Variants in ADORA3 observed in about 807,000 individuals in gnomAD.
ADORA3 encodes the protein adenosine A3 receptor.
A neutral mutation model predicts 5.7 loss-of-function variants in ADORA3; 3 were observed. The ratio of observed to expected loss-of-function variants is 0.52; its 90% CI spans 0.24 to 1.35. ADORA3 has a LOEUF of 1.35. Ranked by LOEUF, ADORA3 falls within the 40% of genes most tolerant of loss-of-function variation. The probability of loss-of-function intolerance (pLI) is 0.17; values close to 1 mark genes in which losing one functional copy is unlikely to be tolerated. For synonymous variants in ADORA3, 168 were observed against 152.3 expected (o/e 1.10, Z -0.76); for missense variants, 343 against 389.0 (o/e 0.88, Z 0.99).
At position 111,499,612 on chromosome 1, in the gene ADORA3, C is replaced by T. The variant is rs779485854; in HGVS notation, c.*338G>A. On this transcript the variant is annotated 3_prime_UTR_variant, in exon 2 of 2. Coordinates refer to ENST00000241356, the MANE Select transcript of ADORA3 (RefSeq NM_000677.4). ...ACCACCACACACATGTTCAGCCCAA[C>T]TGGAGCCTTTTGTCAGTAAGTCAAC... The T allele has an allele frequency of 1.3e-5, 14 of 1,100,634 alleles. No homozygotes were observed. The highest frequency in any genetic ancestry group is 4.9e-5 in the African/African-American group (3 of 61,626). 68.2% of individuals were successfully genotyped at this position (1,100,634 alleles called of 1,614,324 possible).
In ADORA3 at chr1:111,499,892, A is replaced by C; in HGVS notation, c.*58T>G. ...CTTGGCCCAGGCATACAGGCCCTCA[A>C]GTGTTTGTTGATGGGGAATCTGAAG... On this transcript the variant is annotated 3_prime_UTR_variant, in exon 2 of 2. Transcript: ENST00000241356. 1 of 1,585,814 alleles carries C rather than the reference A, an allele frequency of 6.3e-7. No individual in the cohort carries two copies. The highest frequency in any genetic ancestry group is 1.2e-5 in the South Asian group (1 of 85,692).
rs778275977 is a variant in ADORA3 at position 111,503,104 on chromosome 1, A to T, written c.251T>A (p.Leu84His). 3.1e-6 allele frequency: 5 copies of T among 1,614,082 alleles called. No homozygotes were observed. In the African/African-American group the frequency reaches 5.3e-5, roughly 17 times the overall value. ...GATAAGCAGTAGGCAAGTCATAAAA[A>T]GGCAGCTGTAGAAGTGGATTGTGAT... ...LGITIHFYSC[L>H]FMTCLLLIFT... Residue 84 changes from leucine (L) to histidine (H), a missense_variant, in exon 1 of 2, where the codon CTT becomes CAT. Physicochemically the swap from Leu to His is moderately conservative, Grantham distance 99. Transcript: ENST00000241356.
intron 1 of ADORA3, among the ~76,000 whole-genome samples, chr1:111,502,192 TATTATAATAAATATATAG>T: frequency 4.5e-5 from 1 of 22,112 alleles, no homozygotes; most frequent in Non-Finnish European, 1.0e-4. Context: ...AGGATATATA[TATTATAATAAATATATAG>T]GATATATATT....
intron 1 of ADORA3, among the ~76,000 whole-genome samples, chr1:111,502,226 TAATG>T (rs1300222578): frequency 3.1e-5 from 1 of 32,220 alleles, no homozygotes; most frequent in Admixed American, 4.9e-4. Flanking sequence ...ATATTTATTA[TAATG>T]AATATATAGG....
chr1:111,501,533 G>T (rs1418537699), intron 1 of ADORA3, among the ~76,000 whole-genome samples: 1 of 152,144 alleles, frequency 6.6e-6, no homozygotes, highest in South Asian at 2.1e-4. Context: ...TGTGTGACAG[G>T]TATGTTTCTA....
intron 1 of ADORA3, 79 bp downstream of exon 1, chr1:111,502,926 T>C: frequency 6.5e-7 from 1 of 1,530,518 alleles, no homozygotes; most frequent in South Asian, 1.2e-5. Context: ...ACATTTTTAC[T>C]CAAAAAGTCT....
rs1655363969 is a variant in ADORA3, at chr1:111,503,531, T to G, written c.-177A>C. 2 of 1,423,212 alleles carry G rather than the reference T, an allele frequency of 1.4e-6. No homozygotes were observed. The highest frequency in any genetic ancestry group is 3.0e-5 in the South Asian group (2 of 66,460). 88.2% of individuals were successfully genotyped at this position (1,423,212 alleles called of 1,614,324 possible). ...TGGTGGGGTGATCTCTTGGAAACCC[T>G]TCTCCTTAGAAAGGGCTCATCACAG... On this transcript the variant is annotated 5_prime_UTR_variant, in exon 1 of 2. Coordinates refer to ENST00000241356, the MANE Select transcript of ADORA3 (RefSeq NM_000677.4).
chr1:111,500,972 C>T lies in ADORA3; in HGVS notation c.351-416G>A, dbSNP rs186780055. 5.6e-4 allele frequency: 129 copies of T among 229,540 alleles called. 3 individuals are homozygous for T. The East Asian group carries it at 9.3e-3, about 17-fold the overall frequency. 14.2% of individuals were successfully genotyped at this position (229,540 alleles called of 1,614,324 possible). A position where few individuals can be genotyped will look rare whatever the true frequency, so the allele number is the denominator to read the frequency against. Reference sequence around the variant, plus strand: ...CACAGGTGAATTCAGCAGTTTAAGTCCCCCTTGAACTCAGTTTACTCCTTC... The same window carrying T: ...CACAGGTGAATTCAGCAGTTTAAGTTCCCCTTGAACTCAGTTTACTCCTTC... On this transcript the variant is annotated intron_variant, in intron 1 of 1. Coordinates refer to ENST00000241356, the MANE Select transcript of ADORA3 (RefSeq NM_000677.4).
In ADORA3 at chr1:111,503,424, C is replaced by G; in HGVS notation, c.-70G>C. ...AGATCCGTCTGTAGGGCCAGTGGGC[C>G]TAGCTCTCGCCAGACGTCTTCCCAG... On this transcript the variant is annotated 5_prime_UTR_variant, in exon 1 of 2. An upstream open reading frame in the 5' UTR loses its in-frame stop. Coordinates refer to ENST00000241356, the MANE Select transcript of ADORA3 (RefSeq NM_000677.4). 1 of 1,518,030 alleles carries G rather than the reference C, an allele frequency of 6.6e-7. No homozygotes were observed. Among genetic ancestry groups the G allele is most frequent in the Non-Finnish European group, 8.9e-7 (1 of 1,127,568 alleles). 94.0% of individuals were successfully genotyped at this position (1,518,030 alleles called of 1,614,324 possible).
In ADORA3 at chr1:111,503,486, T is replaced by C; in HGVS notation, c.-132A>G. 1 of 1,453,840 alleles carries C rather than the reference T, an allele frequency of 6.9e-7. No individual in the cohort carries two copies. Among genetic ancestry groups the C allele is most frequent in the Non-Finnish European group, 9.1e-7 (1 of 1,102,906 alleles). 90.1% of individuals were successfully genotyped at this position (1,453,840 alleles called of 1,614,324 possible). On this transcript the variant is annotated 5_prime_UTR_variant, in exon 1 of 2. Coordinates refer to ENST00000241356, the MANE Select transcript of ADORA3 (RefSeq NM_000677.4). ...CAGTGACAGTCTAAAATTCCCAACT[T>C]GCTCATTCCTACCCTTTTCTGGTGG... is the stretch of plus-strand genomic sequence containing the variant.
rs767914781 is a variant in ADORA3 at position 111,503,333 on chromosome 1, G to C, written c.22C>G (p.Leu8Val). The change falls in exon 1 of 2, where the codon CTG (leucine) becomes GTG (valine). Residue 8 changes from leucine (L) to valine (V), a missense_variant. Leu to Val is a conservative substitution (Grantham distance 32). Transcript: ENST00000241356. MPNNSTA[L>V]SLANVTYITM... ...ATGTAGGTAACATTGGCCAATGACAGAGCAGTGCTGTTGTTGGGCATCTTG... is the reference window on the plus strand; with the variant it reads ...ATGTAGGTAACATTGGCCAATGACACAGCAGTGCTGTTGTTGGGCATCTTG... The C allele has an allele frequency of 6.2e-7, 1 of 1,613,046 alleles. No homozygotes were observed. Among genetic ancestry groups the C allele is most frequent in the Non-Finnish European group, 8.5e-7 (1 of 1,179,310 alleles).
Position 111,503,125 on chromosome 1 carries a change from G to C in ADORA3, c.230C>G (p.Thr77Arg), listed in dbSNP as rs377061127. The stretch of plus-strand genomic sequence containing the variant: ...AAAAAGGCAGCTGTAGAAGTGGATT[G>C]TGATGCCCAGGCTGACAACAATGGC... ...PLAIVVSLGI[T>R]IHFYSCLFMT... is the part of the protein sequence containing the mutation. The change falls in exon 1 of 2, where the codon ACA becomes AGA. Residue 77 changes from threonine to arginine, a missense_variant. By Grantham distance (71) the Thr-to-Arg change is moderately conservative. Transcript: ENST00000241356. 33 of 1,614,210 alleles carry C rather than the reference G, an allele frequency of 2.0e-5. No homozygotes were observed. In the South Asian group the frequency reaches 3.0e-4, roughly 14 times the overall value.
chr1:111,500,040 G>T lies in ADORA3; in HGVS notation c.867C>A (p.Phe289Leu). 1 of 1,614,214 alleles carries T rather than the reference G, an allele frequency of 6.2e-7. No homozygotes were observed. Residue 289 changes from phenylalanine to leucine, a missense_variant, in exon 2 of 2, where the codon TTC (phenylalanine) becomes TTA (leucine). By Grantham distance (22) the Phe-to-Leu change is conservative. Coordinates refer to ENST00000241356, the MANE Select transcript of ADORA3 (RefSeq NM_000677.4). ...TGAGGATCAAAAGGTAGGTTTCCTT[G>T]AACTTCTTTATTTTATAGGCATAGA... Reference protein sequence around the residue: ...PIVYAYKIKKFKETYLLILKA... With the variant: ...PIVYAYKIKKLKETYLLILKA...
Position 111,500,050 on chromosome 1 carries a change from A to T in ADORA3, c.857T>A (p.Ile286Lys), listed in dbSNP as rs1194663436. Residue 286 changes from isoleucine (I) to lysine (K), a missense_variant, in exon 2 of 2, where the codon ATA (isoleucine) becomes AAA (lysine). Coordinates refer to ENST00000241356, the MANE Select transcript of ADORA3 (RefSeq NM_000677.4). The stretch of plus-strand genomic sequence containing the variant: ...AAGGTAGGTTTCCTTGAACTTCTTT[A>T]TTTTATAGGCATAGACGATAGGGTT... ...MMNPIVYAYK[I>K]KKFKETYLLI... The T allele has an allele frequency of 1.2e-6, 2 of 1,614,108 alleles. No homozygotes were observed. The highest frequency in any genetic ancestry group is 2.7e-5 in the African/African-American group (2 of 74,936).
rs2100985366 is a variant in ADORA3 at position 111,503,410 on chromosome 1, T to C, written c.-56A>G. The C allele has an allele frequency of 6.5e-7, 1 of 1,544,074 alleles. No homozygotes were observed. The highest frequency in any genetic ancestry group is 1.7e-4 in the Middle Eastern group (1 of 5,844). Reference sequence around the variant, plus strand: ...CAGGTGAGCCAGCAAGATCCGTCTGTAGGGCCAGTGGGCCTAGCTCTCGCC... The same window carrying C: ...CAGGTGAGCCAGCAAGATCCGTCTGCAGGGCCAGTGGGCCTAGCTCTCGCC... On this transcript the variant is annotated 5_prime_UTR_variant, in exon 1 of 2. Coordinates refer to ENST00000241356, the MANE Select transcript of ADORA3 (RefSeq NM_000677.4).
Position 111,500,298 on chromosome 1 carries a change from G to T in ADORA3, c.609C>A (p.Ile203=). 1 of 1,614,228 alleles carries T rather than the reference G, an allele frequency of 6.2e-7. No homozygotes were observed. The highest frequency in any genetic ancestry group is 8.5e-7 in the Non-Finnish European group (1 of 1,180,048). The stretch of plus-strand genomic sequence containing the variant: ...AGTTCAGACTGAGTTTGTTCCGAAT[G>T]ATGTAAAAGATGTCAAGATAGATGG... ...MCAIYLDIFY[I]IRNKLSLNLS... is the part of the protein sequence containing the mutation. Residue 203 remains isoleucine (I), a synonymous_variant, in exon 2 of 2, where the codon ATC becomes ATA. Transcript: ENST00000241356.
rs769482619 is a variant in ADORA3 at position 111,503,565 on chromosome 1, C to T, written c.-211G>A. On this transcript the variant is annotated 5_prime_UTR_variant, in exon 1 of 2. The change creates a new upstream start codon in the 5' untranslated region. Transcript: ENST00000241356. ...GAAAGGGCTCATCACAGGTGGGTCA[C>T]TTCCAGCCCCTTTATGCACCGCACA... 229 of 1,390,196 alleles carry T rather than the reference C, an allele frequency of 1.6e-4. No homozygotes were observed. The highest frequency in any genetic ancestry group is 2.0e-4 in the Non-Finnish European group (219 of 1,072,222). The allele number at this position is 1,390,196 out of a possible 1,614,324, so 86.1% of individuals were successfully genotyped here.
chr1:111,499,762 G>T lies in ADORA3; in HGVS notation c.*188C>A. 1 of 1,421,576 alleles carries T rather than the reference G, an allele frequency of 7.0e-7. No homozygotes were observed. The highest frequency in any genetic ancestry group is 9.2e-7 in the Non-Finnish European group (1 of 1,090,680). 88.1% of individuals were successfully genotyped at this position (1,421,576 alleles called of 1,614,324 possible). A position where few individuals can be genotyped will look rare whatever the true frequency, so the allele number is the denominator to read the frequency against. On this transcript the variant is annotated 3_prime_UTR_variant, in exon 2 of 2. Transcript: ENST00000241356. ...CACTGAATTAGAGAGAAAGGACAAGGGAAAAATGAAGTGGAGGAAGAGAGT... is the reference window on the plus strand; with the variant it reads ...CACTGAATTAGAGAGAAAGGACAAGTGAAAAATGAAGTGGAGGAAGAGAGT...
At chr1:111,502,818 A>G (rs1211036926) in intron 1 of ADORA3, among the ~76,000 whole-genome samples, 187 bp downstream of exon 1, 5 of 151,986 alleles carry the variant, frequency 3.3e-5, no homozygotes, top group Non-Finnish European at 5.9e-5. Flanking sequence ...CTCTGATTCT[A>G]GCTCCTGAGT....
Sources: gnomAD v4.1 joint callset for allele counts (sites outside exome capture counted in the v4.1 genomes callset) on GRCh38, gnomAD v4.1.1 for gene constraint, MANE v1.5 for transcripts, NCBI Gene and HGNC (gene_info 2026-07-23, HGNC 2026-07-21) for gene names.